Variants in RALYL observed in about 807,000 individuals in gnomAD.
The protein encoded by RALYL is RNA-binding Raly-like protein.
A neutral mutation model predicts 35.1 loss-of-function variants in RALYL; 29 were observed. That is an observed-to-expected ratio of 0.83 (90% CI 0.61 to 1.13). The LOEUF is 1.13. Among genes scored for constraint, RALYL ranks in the 50% most tolerant of loss-of-function variants. The pLI, the probability that RALYL is intolerant of heterozygous loss-of-function variation, is 0.00. For missense variants in RALYL, 359 were observed against 360.4 expected, an observed-to-expected ratio of 1.00 and a Z score of 0.03; for synonymous variants, 120 against 127.6, an observed-to-expected ratio of 0.94 and a Z score of 0.40.
chr8:84,707,344 T>C (rs556057628), intron 2 of RALYL, among the ~76,000 whole-genome samples: 23 of 152,206 alleles, frequency 1.5e-4, no homozygotes, highest in Non-Finnish European at 2.9e-4. Flanking sequence ...TGTGATTTCC[T>C]CTTACAAGAA....
At chr8:84,467,371 T>C (rs1248773235) in intron 1 of RALYL, among the ~76,000 whole-genome samples, 1 of 151,998 alleles carries the variant, frequency 6.6e-6, no homozygotes, top group African/African-American at 2.4e-5. Flanking sequence ...TCAAAGAACA[T>C]CTTTATTTCT....
At chr8:84,462,601 A>ATTTTTT (rs10667055) in intron 1 of RALYL, among the ~76,000 whole-genome samples, 1 of 136,836 alleles carries the variant, frequency 7.3e-6, no homozygotes, top group Non-Finnish European at 1.6e-5. Context: ...ATCTAGATTC[A>ATTTTTT]TTTTTTTTTT....
At position 84,595,868 on chromosome 8, in the gene RALYL, A is replaced by C. The variant is rs1814403352; in HGVS notation, c.256+66291A>C. ...CATCTCCATAATGGAAGAAAACCAC[A>C]CGCTCATGGGAACAGCAGGCAGGAT... On this transcript the variant is annotated intron_variant, in intron 2 of 8. Transcript: ENST00000521268. Among the ~76,000 whole-genome samples, 3 of 151,074 alleles carry C rather than the reference A, an allele frequency of 2.0e-5. No homozygotes were observed. In the South Asian group the frequency reaches 6.3e-4, roughly 32 times the overall value.
intron 1 of RALYL, among the ~76,000 whole-genome samples, chr8:84,447,787 G>C (rs1259554842): frequency 6.6e-6 from 1 of 152,044 alleles, no homozygotes; most frequent in African/African-American, 2.4e-5. Context: ...GGGTATATTA[G>C]TGTGAATAGT....
In RALYL at chr8:84,834,753, A is replaced by G. The variant is rs998529642; in HGVS notation, c.366-15227A>G. ...ATATCGCAATTGTAATGCTCTAAAC[A>G]TTCTAATATCAATATACAGGTGTTT... is the stretch of plus-strand genomic sequence containing the variant. On this transcript the variant is annotated intron_variant, in intron 4 of 8. Transcript: ENST00000521268. 2.0e-5 allele frequency among the ~76,000 whole-genome samples: 3 copies of G among 152,234 alleles called. 1 individual carries two copies. The highest frequency in any genetic ancestry group is 1.5e-5 in the Non-Finnish European group (1 of 68,032).
At chr8:84,221,155 G>T (rs1822107427) in intron 1 of RALYL, among the ~76,000 whole-genome samples, 1 of 151,986 alleles carries the variant, frequency 6.6e-6, no homozygotes, top group African/African-American at 2.4e-5. Flanking sequence ...ATTAATCTGA[G>T]AAGGCATTTA....
At chr8:84,420,926 A>G (rs1175576082) in intron 1 of RALYL, among the ~76,000 whole-genome samples, 6 of 91,974 alleles carry the variant, frequency 6.5e-5, no homozygotes, top group African/African-American at 1.1e-4. Flanking sequence ...TGGTACCAGT[A>G]CCATGCTGTT....
At chr8:84,387,604 C>T (rs1019203478) in intron 1 of RALYL, among the ~76,000 whole-genome samples, 1 of 151,626 alleles carries the variant, frequency 6.6e-6, no homozygotes, top group Non-Finnish European at 1.5e-5. Context: ...CAGGGATTGA[C>T]TGCCATGTAG....
intron 1 of RALYL, among the ~76,000 whole-genome samples, chr8:84,330,940 T>C (rs1483210166): frequency 6.6e-6 from 1 of 152,096 alleles, no homozygotes; most frequent in Non-Finnish European, 1.5e-5. Context: ...GACTTGAGCC[T>C]GGCAGGAAAA....
intron 4 of RALYL, among the ~76,000 whole-genome samples, chr8:84,819,375 C>T (rs1184657667): frequency 6.6e-6 from 1 of 152,156 alleles, no homozygotes; most frequent in Non-Finnish European, 1.5e-5. Context: ...AGCTTAAACC[C>T]ATCATTTATT....
intron 2 of RALYL, among the ~76,000 whole-genome samples, chr8:84,551,446 G>C (rs1232361507): frequency 6.6e-6 from 1 of 152,102 alleles, no homozygotes; most frequent in Non-Finnish European, 1.5e-5. Flanking sequence ...TGTGCTAGAT[G>C]AAGATGGTAT....
chr8:84,788,206 G>A (rs1586262081), intron 3 of RALYL, among the ~76,000 whole-genome samples: 1 of 152,088 alleles, frequency 6.6e-6, no homozygotes, highest in East Asian at 1.9e-4. Flanking sequence ...TAAGGTGTAA[G>A]GAAGGGGTCC....
At chr8:84,448,518 A>T (rs1477416580) in intron 1 of RALYL, among the ~76,000 whole-genome samples, 3 of 152,022 alleles carry the variant, frequency 2.0e-5, no homozygotes, top group Non-Finnish European at 4.4e-5. Flanking sequence ...AGGTGATGAA[A>T]AACCTTCATA....
chr8:84,869,338 T>A (rs75616017), intron 6 of RALYL, among the ~76,000 whole-genome samples: 7,540 of 151,978 alleles, frequency 0.05, 604 homozygotes, highest in African/African-American at 0.17. Flanking sequence ...AATTAAGTGA[T>A]ATGCAAATTT....
intron 1 of RALYL, among the ~76,000 whole-genome samples, chr8:84,281,801 GTA>G (rs958161614): frequency 2.0e-5 from 3 of 151,702 alleles, no homozygotes; most frequent in African/African-American, 4.8e-5. Flanking sequence ...GTGTGTGTGT[GTA>G]TATATATATT....
At chr8:84,684,053 C>T (rs546866601) in intron 2 of RALYL, among the ~76,000 whole-genome samples, 2 of 152,168 alleles carry the variant, frequency 1.3e-5, no homozygotes, top group African/African-American at 4.8e-5. Context: ...CTGAGGATTG[C>T]TTGGAAGACG....
intron 2 of RALYL, among the ~76,000 whole-genome samples, chr8:84,726,947 G>A (rs374380374): frequency 6.6e-6 from 1 of 152,046 alleles, no homozygotes. Flanking sequence ...AATAAGATTA[G>A]TTCTGCTACA....
chr8:84,265,400 G>T (rs963751246), intron 1 of RALYL, among the ~76,000 whole-genome samples: 2 of 152,140 alleles, frequency 1.3e-5, no homozygotes, highest in Admixed American at 6.5e-5. Flanking sequence ...CCAACCTGCC[G>T]TTACTGGCTT....
At chr8:84,427,309 C>T (rs1463671610) in intron 1 of RALYL, among the ~76,000 whole-genome samples, 1 of 152,192 alleles carries the variant, frequency 6.6e-6, no homozygotes, top group Admixed American at 6.5e-5. Flanking sequence ...ACACTGCTTC[C>T]ATATCCTCCT....
Sources: allele counts gnomAD v4.1 joint callset (sites outside exome capture counted in the v4.1 genomes callset), GRCh38; gene constraint gnomAD v4.1.1; transcripts MANE v1.5; gene names NCBI Gene and HGNC (gene_info 2026-07-23, HGNC 2026-07-21).